Variants in CELA2B observed in about 807,000 individuals in gnomAD.
CELA2B encodes the protein chymotrypsin-like elastase family member 2B.
CELA2B carries 27 observed loss-of-function variants against 36.5 expected under a neutral mutation model. The ratio of observed to expected loss-of-function variants is 0.74; its 90% CI spans 0.55 to 1.02. CELA2B has a LOEUF of 1.02. Among genes scored for constraint, CELA2B ranks in the 50% least tolerant of loss-of-function variants. CELA2B has a pLI of 0.00. For missense variants in CELA2B, 340 were observed against 347.8 expected (o/e 0.98, Z 0.18); for synonymous variants, 143 against 148.5 (o/e 0.96, Z 0.27).
chr1:15,482,443 T>C (rs1407885468), intron 4 of CELA2B, 50 bp downstream of exon 4: 1 of 1,611,454 alleles, frequency 6.2e-7, no homozygotes, highest in African/African-American at 1.3e-5. Flanking sequence ...AGGGAACAGA[T>C]GGGGGTCTCA....
At chr1:15,480,450 A>G (rs547856402) in intron 2 of CELA2B, among the ~76,000 whole-genome samples, 30 of 152,240 alleles carry the variant, frequency 2.0e-4, no homozygotes, top group African/African-American at 7.2e-4. Flanking sequence ...CATACCTGAG[A>G]CTGGGTAATT....
chr1:15,487,780 T>A (rs1166418900), intron 7 of CELA2B, among the ~76,000 whole-genome samples: 1 of 152,246 alleles, frequency 6.6e-6, no homozygotes, highest in African/African-American at 2.4e-5. Flanking sequence ...AATGGGTATA[T>A]GTCTGCAAAA....
At position 15,481,099 on chromosome 1, in the gene CELA2B, T is replaced by A. The variant is rs770038491; in HGVS notation, c.131T>A (p.Val44Asp). ...EARPNSWPWQ[V>D]SLQYSSNGQW... ...CCACAGACCTGTGTTTCTCCCCAGG[T>A]CTCCCTGCAGTACAGCTCCAATGGC... Residue 44 changes from valine (V) to aspartate (D), a missense_variant and splice_region_variant, in exon 3 of 8, where the codon GTC becomes GAC. Coordinates refer to ENST00000375910, the MANE Select transcript of CELA2B (RefSeq NM_015849.3). The A allele has an allele frequency of 2.5e-6, 4 of 1,612,066 alleles. No homozygotes were observed. The African/African-American group carries it at 5.3e-5, about 22-fold the overall frequency.
chr1:15,491,207 T>C, intron 7 of CELA2B, 88 bp from the exon 8 acceptor site: 1 of 1,525,142 alleles, frequency 6.6e-7, no homozygotes, highest in Non-Finnish European at 9.1e-7. Flanking sequence ...TTGAGTAGCT[T>C]AGCCCAGGAG....
At position 15,485,941 on chromosome 1, in the gene CELA2B, G is replaced by A. The variant is rs1708798743; in HGVS notation, c.534G>A (p.Leu178=). The A allele has an allele frequency of 6.2e-7, 1 of 1,614,192 alleles. No individual in the cohort carries two copies. The highest frequency in any genetic ancestry group is 8.5e-7 in the Non-Finnish European group (1 of 1,180,020). ...CTGATGACCTGAAGCAGGGCCAGTT[G>A]CTGGTTGTGGACTATGCCACCTGCT... ...ALPDDLKQGQ[L]LVVDYATCSS... is the part of the protein sequence containing the mutation. Residue 178 remains leucine (L), a synonymous_variant, in exon 6 of 8, where the codon TTG becomes TTA. Coordinates refer to ENST00000375910, the MANE Select transcript of CELA2B (RefSeq NM_015849.3).
intron 7 of CELA2B, among the ~76,000 whole-genome samples, chr1:15,489,893 A>G (rs948713294): frequency 6.6e-5 from 10 of 152,076 alleles, no homozygotes; most frequent in African/African-American, 2.4e-4. Flanking sequence ...GTTTTTTTTC[A>G]AATGGAGTCT....
intron 6 of CELA2B, 106 bp from the exon 7 acceptor site, chr1:15,487,179 A>T: frequency 9.3e-7 from 1 of 1,071,020 alleles, no homozygotes; most frequent in Non-Finnish European, 1.4e-6. Context: ...CCAGCTTCAG[A>T]GGACAGTGAC....
At chr1:15,489,404 T>G (rs1488046464) in intron 7 of CELA2B, among the ~76,000 whole-genome samples, 1 of 152,068 alleles carries the variant, frequency 6.6e-6, no homozygotes, top group Non-Finnish European at 1.5e-5. Flanking sequence ...CAGGCACAGA[T>G]GCCCGGTAAC....
At chr1:15,484,764 A>C (rs1570810696) in intron 5 of CELA2B, among the ~76,000 whole-genome samples, 1 of 152,302 alleles carries the variant, frequency 6.6e-6, no homozygotes, top group East Asian at 1.9e-4. Context: ...TCCGAACCTC[A>C]GTTTCCTCAT....
Position 15,482,345 on chromosome 1 carries a change from C to CT in CELA2B, c.309dup (p.Lys104Ter), listed in dbSNP as rs1708752610. The CT allele has an allele frequency of 6.2e-7, 1 of 1,614,130 alleles. No homozygotes were observed. Among genetic ancestry groups the CT allele is most frequent in the East Asian group, 2.2e-5 (1 of 44,878 alleles). ...TCCGGCTCGCTGGCCGTCAGTGTCTCTAAGATTGTGGTGCACAAGGACTGG... is the reference window on the plus strand; with the variant it reads ...TCCGGCTCGCTGGCCGTCAGTGTCTCTTAAGATTGTGGTGCACAAGGACTGG... On this transcript the variant is annotated frameshift_variant, in exon 4 of 8. Coordinates refer to ENST00000375910, the MANE Select transcript of CELA2B (RefSeq NM_015849.3). LOFTEE classifies it high-confidence loss of function.
chr1:15,483,494 G>A (rs1708768494), intron 5 of CELA2B, 94 bp downstream of exon 5: 3 of 1,577,964 alleles, frequency 1.9e-6, no homozygotes, highest in Non-Finnish European at 2.6e-6. Flanking sequence ...TGTTATCCTG[G>A]GCATGTGGCT....
chr1:15,482,465 G>C (rs1288541802), intron 4 of CELA2B, 72 bp downstream of exon 4: 1 of 1,597,154 alleles, frequency 6.3e-7, no homozygotes, highest in African/African-American at 1.3e-5. Context: ...AGAGGCAAAG[G>C]TCTCAACCCC....
chr1:15,476,341 T>C lies in CELA2B; in HGVS notation c.41-116T>C, dbSNP rs111952850. 2.4e-5 allele frequency: 34 copies of C among 1,394,102 alleles called. No individual in the cohort carries two copies. In the African/African-American group the frequency reaches 3.3e-4, roughly 13 times the overall value. The allele number at this position is 1,394,102 out of a possible 1,614,324, so 86.4% of individuals were successfully genotyped here. A position where few individuals can be genotyped will look rare whatever the true frequency, so the allele number is the denominator to read the frequency against. On this transcript the variant is annotated intron_variant, in intron 1 of 7. Coordinates refer to ENST00000375910, the MANE Select transcript of CELA2B (RefSeq NM_015849.3). ...GAGCAAACAGAAGGATTTTATGACC[T>C]CTTGGGATCCTTCTAGAACAAGGGT...
chr1:15,477,920 A>G (rs1405413726), intron 2 of CELA2B, among the ~76,000 whole-genome samples: 3 of 152,202 alleles, frequency 2.0e-5, no homozygotes, highest in Non-Finnish European at 4.4e-5. Context: ...GCAGCCCACT[A>G]GCCTTGAGCA....
At chr1:15,483,508 T>C (rs575698771) in intron 5 of CELA2B, 108 bp downstream of exon 5, 46 of 1,550,372 alleles carry the variant, frequency 3.0e-5, no homozygotes, top group African/African-American at 4.1e-5. Flanking sequence ...TGTGGCTGCC[T>C]TGGAGAGACA....
At chr1:15,476,303 T>G in intron 1 of CELA2B, 138 bp downstream of exon 1, 2 of 1,421,346 alleles carry the variant, frequency 1.4e-6, no homozygotes, top group Non-Finnish European at 1.9e-6. Flanking sequence ...CGAAATGGAG[T>G]TTCAAAGAAT....
intron 2 of CELA2B, among the ~76,000 whole-genome samples, chr1:15,477,599 A>C (rs1708688208): frequency 1.3e-5 from 2 of 152,206 alleles, no homozygotes. Context: ...ATTTCTTTAA[A>C]GCAGAGCAAT....
chr1:15,482,506 A>G, intron 4 of CELA2B, 113 bp downstream of exon 4: 1 of 1,439,034 alleles, frequency 6.9e-7, no homozygotes, highest in Admixed American at 1.9e-5. Flanking sequence ...TCTATAGGGA[A>G]GAGAAAGGAG....
At chr1:15,476,798 C>T (rs1460778315) in intron 2 of CELA2B, among the ~76,000 whole-genome samples, 5 of 152,108 alleles carry the variant, frequency 3.3e-5, no homozygotes, top group Non-Finnish European at 7.3e-5. Context: ...GCCTGGCCAA[C>T]ATGGTGAAAC....
Sources: allele counts gnomAD v4.1 joint callset (sites outside exome capture counted in the v4.1 genomes callset), GRCh38; gene constraint gnomAD v4.1.1; transcripts MANE v1.5; gene names NCBI Gene and HGNC (gene_info 2026-07-23, HGNC 2026-07-21).